The following IGF2BP3 variants were observed in gnomAD, a reference collection of about 807,000 sequenced individuals.
IGF2BP3 encodes insulin-like growth factor 2 mRNA-binding protein 3.
Under a neutral mutation model 73.8 loss-of-function variants are expected in IGF2BP3, and 9 were observed. The ratio of observed to expected loss-of-function variants is 0.12; its 90% CI spans 0.07 to 0.21. The LOEUF is 0.21. IGF2BP3 is among the 10% of genes least tolerant of loss of function. The pLI is 1.00. For missense variants in IGF2BP3, 542 were observed against 714.0 expected (o/e 0.76, Z 2.75); for synonymous variants, 258 against 256.7 (o/e 1.01, Z -0.05).
At chr7:23,392,487 CACACATACACACATATGCACATATATAT>C (rs1401937473) in intron 3 of IGF2BP3, among the ~76,000 whole-genome samples, 1 of 149,226 alleles carries the variant, frequency 6.7e-6, no homozygotes, top group African/African-American at 2.5e-5. Flanking sequence ...TATATATATA[CACACATACACACATATGCACATATATAT>C]ACACACACAC....
intron 2 of IGF2BP3, among the ~76,000 whole-genome samples, chr7:23,450,010 G>A (rs940322310): frequency 6.6e-6 from 1 of 152,178 alleles, no homozygotes; most frequent in African/African-American, 2.4e-5. Flanking sequence ...CTTTTCTGCT[G>A]TGTTGTATTT....
chr7:23,366,291 C>T (rs1414547893), intron 3 of IGF2BP3, among the ~76,000 whole-genome samples: 1 of 152,168 alleles, frequency 6.6e-6, no homozygotes, highest in East Asian at 1.9e-4. Flanking sequence ...GCACACACCA[C>T]TACACCCAGC....
Position 23,361,596 on chromosome 7 carries a change from C to G in IGF2BP3, c.339G>C (p.Val113=), listed in dbSNP as rs761303249. The change falls in exon 5 of 15, where the codon GTG becomes GTC. Residue 113 remains valine (V), a splice_region_variant and synonymous_variant. Coordinates refer to ENST00000258729, the MANE Select transcript of IGF2BP3 (RefSeq NM_006547.3). ...CAACTGCAGTTTCCGAGTCAGTGTT[C>G]ACTAGAGGAAGAGAAAAACGAAGAG... ...QYGVVESCEQ[V]NTDSETAVVN... 2.5e-6 allele frequency: 4 copies of G among 1,613,362 alleles called. No individual in the cohort carries two copies. The South Asian group carries it at 3.3e-5, about 13-fold the overall frequency.
At position 23,345,599 on chromosome 7, in the gene IGF2BP3, A is replaced by G. The variant is rs141336965; in HGVS notation, c.941+341T>C. 2.7e-3 allele frequency among the ~76,000 whole-genome samples: 410 copies of G among 152,362 alleles called. 3 individuals carry two copies. The highest frequency in any genetic ancestry group is 9.2e-3 in the African/African-American group (384 of 41,588). ...AACTAGCTGAGCAATTAATGTTCAC[A>G]TTGTGTTAAGCTGTCAAATGTTGGG... is the stretch of plus-strand genomic sequence containing the variant. On this transcript the variant is annotated intron_variant, in intron 8 of 14. Coordinates refer to ENST00000258729, the MANE Select transcript of IGF2BP3 (RefSeq NM_006547.3).
intron 2 of IGF2BP3, among the ~76,000 whole-genome samples, chr7:23,437,464 C>A (rs1287982282): frequency 6.7e-6 from 1 of 149,460 alleles, no homozygotes; most frequent in Non-Finnish European, 1.5e-5. Flanking sequence ...GCCTGGGGGA[C>A]AAGAGCGAGA....
At position 23,470,231 on chromosome 7, in the gene IGF2BP3, AAC is replaced by A; in HGVS notation, c.-123_-122del. Reference sequence around the variant, plus strand: ...CGTCTTCTCGCCTTTAAAATACACAAACACAGTAAGAACCAAGCACAAGAACG... The same window carrying A: ...CGTCTTCTCGCCTTTAAAATACACAAACAGTAAGAACCAAGCACAAGAACG... On this transcript the variant is annotated 5_prime_UTR_variant, in exon 1 of 15. Coordinates refer to ENST00000258729, the MANE Select transcript of IGF2BP3 (RefSeq NM_006547.3). The A allele has an allele frequency of 1.4e-6, 1 of 738,192 alleles. No homozygotes were observed. Among genetic ancestry groups the A allele is most frequent in the Non-Finnish European group, 2.2e-6 (1 of 450,498 alleles). The allele number at this position is 738,192 out of a possible 1,614,324, so 45.7% of individuals were successfully genotyped here. A position where few individuals can be genotyped will look rare whatever the true frequency, so the allele number is the denominator to read the frequency against.
chr7:23,375,446 G>C (rs1421611541), intron 3 of IGF2BP3, among the ~76,000 whole-genome samples: 3 of 152,152 alleles, frequency 2.0e-5, no homozygotes, highest in Non-Finnish European at 2.9e-5. Flanking sequence ...TGACTGCCCA[G>C]GCCCCCTTCT....
At chr7:23,467,403 A>G (rs1788589374) in intron 2 of IGF2BP3, among the ~76,000 whole-genome samples, 1 of 152,176 alleles carries the variant, frequency 6.6e-6, no homozygotes, top group African/African-American at 2.4e-5. Context: ...ATTTAAATTA[A>G]CTTTCAGCTT....
rs113346976 is a variant in IGF2BP3, at chr7:23,311,730, T to A, written c.*632A>T. On this transcript the variant is annotated 3_prime_UTR_variant, in exon 15 of 15. Transcript: ENST00000258729. ...TAAAAAACGGTTGGACTTCTATCAT[T>A]ATAAAGTATATAAAATTTTCAAAAA... 1 of 94,080 alleles carries A rather than the reference T, an allele frequency of 1.1e-5. No individual in the cohort carries two copies. The highest frequency in any genetic ancestry group is 3.4e-4 in the East Asian group (1 of 2,926). The allele number at this position is 94,080 out of a possible 1,614,324, so 5.8% of individuals were successfully genotyped here.
chr7:23,388,558 A>T (rs1031450919), intron 3 of IGF2BP3, among the ~76,000 whole-genome samples: 7 of 151,250 alleles, frequency 4.6e-5, no homozygotes, highest in Non-Finnish European at 8.9e-5. Flanking sequence ...GGGAACAGAG[A>T]TAAATTTTGT....
chr7:23,359,998 T>C (rs748564684), intron 5 of IGF2BP3, among the ~76,000 whole-genome samples: 1 of 151,750 alleles, frequency 6.6e-6, no homozygotes, highest in Admixed American at 6.6e-5. Context: ...AAATACAGAA[T>C]GTGTTTAAAC....
rs549421001 is a variant in IGF2BP3, at chr7:23,311,113, AATT to A, written c.*1246_*1248del. ...TACTTTACTACTTAAGGTGGAGTCTAATTTTTTTTTTTTAATTTATCAGTGCTT... is the reference window on the plus strand; with the variant it reads ...TACTTTACTACTTAAGGTGGAGTCTATTTTTTTTTTAATTTATCAGTGCTT... On this transcript the variant is annotated 3_prime_UTR_variant, in exon 15 of 15. Coordinates refer to ENST00000258729, the MANE Select transcript of IGF2BP3 (RefSeq NM_006547.3). 5.9e-5 allele frequency: 9 copies of A among 151,974 alleles called. No individual in the cohort carries two copies. The South Asian group carries it at 1.7e-3, about 28-fold the overall frequency. 9.4% of individuals were successfully genotyped at this position (151,974 alleles called of 1,614,324 possible).
chr7:23,367,031 T>G (rs1409573881), intron 3 of IGF2BP3, among the ~76,000 whole-genome samples: 1 of 145,502 alleles, frequency 6.9e-6, no homozygotes, highest in South Asian at 2.2e-4. Context: ...CTTACTGGAG[T>G]GCAGTGACAT....
At chr7:23,383,020 T>C (rs1785961603) in intron 3 of IGF2BP3, among the ~76,000 whole-genome samples, 1 of 151,632 alleles carries the variant, frequency 6.6e-6, no homozygotes, top group Admixed American at 6.6e-5. Flanking sequence ...TGAGCTATGA[T>C]GGCGCCATTG....
At chr7:23,416,184 A>T (rs1018621064) in intron 3 of IGF2BP3, 2 of 152,184 alleles carry the variant, frequency 1.3e-5, no homozygotes, top group Non-Finnish European at 2.9e-5. Flanking sequence ...GAGCTAGGAC[A>T]TAATTCCAAG....
chr7:23,372,413 G>A (rs1785581877), intron 3 of IGF2BP3, among the ~76,000 whole-genome samples: 1 of 151,884 alleles, frequency 6.6e-6, no homozygotes, highest in African/African-American at 2.4e-5. Flanking sequence ...TGAGATTTTG[G>A]TGCACCCATC....
At chr7:23,468,190 G>A (rs951773509) in intron 2 of IGF2BP3, among the ~76,000 whole-genome samples, 1 of 152,206 alleles carries the variant, frequency 6.6e-6, no homozygotes, top group Non-Finnish European at 1.5e-5. Context: ...CCCATTTCCC[G>A]TAGGAGCAAT....
intron 2 of IGF2BP3, 102 bp downstream of exon 2, chr7:23,468,380 C>A: frequency 8.4e-7 from 1 of 1,188,366 alleles, no homozygotes; most frequent in South Asian, 1.2e-5. Context: ...CCACGCCACA[C>A]GGCAGGGGGT....
At chr7:23,360,200 G>C (rs1583932782) in intron 5 of IGF2BP3, among the ~76,000 whole-genome samples, 2 of 152,038 alleles carry the variant, frequency 1.3e-5, no homozygotes, top group South Asian at 4.2e-4. Flanking sequence ...TCTACTTCTG[G>C]GAATTTATCA....
Sources: allele counts gnomAD v4.1 joint callset (sites outside exome capture counted in the v4.1 genomes callset), GRCh38; gene constraint gnomAD v4.1.1; transcripts MANE v1.5; gene names NCBI Gene and HGNC (gene_info 2026-07-23, HGNC 2026-07-21).